TMEM260: variants seen among roughly 807,000 people sequenced by gnomAD.
TMEM260 encodes the protein protein O-mannosyl-transferase TMEM260.
Under a neutral mutation model 88.9 loss-of-function variants are expected in TMEM260, and 82 were observed. That is an observed-to-expected ratio of 0.92 (90% CI 0.77 to 1.11). The LOEUF is 1.11. TMEM260 is among the 50% of genes least tolerant of loss of function. The probability of loss-of-function intolerance (pLI) is 0.00; values close to 1 mark genes in which losing one functional copy is unlikely to be tolerated. For missense variants in TMEM260, 902 were observed against 853.4 expected (o/e 1.06, Z -0.71); for synonymous variants, 314 against 309.3 (o/e 1.02, Z -0.16).
chr14:56,650,007 T>C (rs1890171696), downstream of TMEM260: 2 of 423,474 alleles, frequency 4.7e-6, no homozygotes, highest in African/African-American at 4.1e-5. Context: ...GAGAATCCTT[T>C]CCTTTCTATT....
At chr14:56,580,992 T>C (rs1049321649) in intron 1 of TMEM260, among the ~76,000 whole-genome samples, 5 of 152,196 alleles carry the variant, frequency 3.3e-5, no homozygotes, top group Non-Finnish European at 7.3e-5. Flanking sequence ...CCGTTTAAGC[T>C]AGATGCTCGT....
chr14:56,585,677 A>T lies in TMEM260; in HGVS notation c.193-84A>T, dbSNP rs542045570. ...TGCCTAATCTTTATAGCTGCTTGAG[A>T]AAAGGGCTACTTTTCAATTAAGGCC... On this transcript the variant is annotated intron_variant, in intron 2 of 15. Transcript: ENST00000261556. 13 of 1,358,660 alleles carry T rather than the reference A, an allele frequency of 9.6e-6. No individual in the cohort carries two copies. In the South Asian group the frequency reaches 1.7e-4, roughly 17 times the overall value. 84.2% of individuals were successfully genotyped at this position (1,358,660 alleles called of 1,614,324 possible).
At chr14:56,615,406 T>C (rs923254799) in intron 7 of TMEM260, 2 of 152,278 alleles carry the variant, frequency 1.3e-5, no homozygotes, top group Admixed American at 6.5e-5. Context: ...CTGAGATTGC[T>C]TAAATGTTTT....
chr14:56,600,321 T>A (rs942241849), intron 3 of TMEM260, among the ~76,000 whole-genome samples: 1 of 152,116 alleles, frequency 6.6e-6, no homozygotes, highest in Non-Finnish European at 1.5e-5. Context: ...TTTTCAGAAT[T>A]TTTACACAGT....
chr14:56,657,700 C>T, the TMEM260 span, among the ~76,000 whole-genome samples: 1 of 152,252 alleles, frequency 6.6e-6, no homozygotes, highest in South Asian at 2.1e-4. Flanking sequence ...AAATGTTTAC[C>T]ACCACCCTCT....
chr14:56,622,235 C>T (rs1332633350), intron 11 of TMEM260, among the ~76,000 whole-genome samples: 2 of 141,574 alleles, frequency 1.4e-5, no homozygotes, highest in Non-Finnish European at 3.0e-5. Flanking sequence ...CCCAGCTACT[C>T]GGGAGGCTGA....
At chr14:56,636,164 G>A (rs1419926894) in intron 14 of TMEM260, among the ~76,000 whole-genome samples, 3 of 152,116 alleles carry the variant, frequency 2.0e-5, no homozygotes, top group Admixed American at 6.5e-5. Context: ...CTTCGTGTTG[G>A]GTACCTTCAG....
intron 3 of TMEM260, among the ~76,000 whole-genome samples, chr14:56,602,898 A>G (rs1419099465): frequency 2.6e-5 from 4 of 152,150 alleles, no homozygotes; most frequent in African/African-American, 7.2e-5. Flanking sequence ...AATGGTTTGG[A>G]GCTATAGAAT....
At chr14:56,647,213 T>C in intron 15 of TMEM260, 30 bp from the exon 16 acceptor site, 2 of 1,560,080 alleles carry the variant, frequency 1.3e-6, no homozygotes, top group Non-Finnish European at 1.7e-6. Context: ...AGAATAACAA[T>C]GGAATACCAA....
intron 13 of TMEM260, 83 bp from the exon 14 acceptor site, chr14:56,634,816 T>C (rs1470474222): frequency 1.6e-6 from 2 of 1,252,256 alleles, no homozygotes; most frequent in Non-Finnish European, 2.3e-6. Flanking sequence ...CATTCCAGCC[T>C]GGGCAGCAAG....
the TMEM260 span, among the ~76,000 whole-genome samples, chr14:56,661,921 C>T: frequency 2.0e-5 from 3 of 152,156 alleles, no homozygotes; most frequent in Non-Finnish European, 4.4e-5. Context: ...TGGAGAGAGG[C>T]TATTCATCAT....
chr14:56,650,344 C>G (rs1175178365), downstream of TMEM260: 1 of 251,874 alleles, frequency 4.0e-6, no homozygotes, highest in African/African-American at 2.3e-5. Context: ...TGGCACGCAC[C>G]AGAGGGCAAG....
intron 12 of TMEM260, among the ~76,000 whole-genome samples, chr14:56,630,385 T>C (rs769451737): frequency 6.6e-6 from 1 of 152,180 alleles, no homozygotes; most frequent in African/African-American, 2.4e-5. Flanking sequence ...TCTGATGAAA[T>C]GAATTTAGAC....
At chr14:56,641,270 A>G (rs1168857403) in intron 15 of TMEM260, among the ~76,000 whole-genome samples, 7 of 152,236 alleles carry the variant, frequency 4.6e-5, no homozygotes, top group East Asian at 3.9e-4. Context: ...AGAGAGAAAG[A>G]TGGGGTTACC....
rs1886073282 is a variant in TMEM260 at position 56,594,256 on chromosome 14, G to C, written c.344+8344G>C. On this transcript the variant is annotated intron_variant, in intron 3 of 15. Coordinates refer to ENST00000261556, the MANE Select transcript of TMEM260 (RefSeq NM_017799.4). ...TGTTCTCAAGTTAAAATAGAAAATA[G>C]TTTAAACTATTAGCGATATATCTGT... Among the ~76,000 whole-genome samples, 4 of 152,206 alleles carry C rather than the reference G, an allele frequency of 2.6e-5. No individual in the cohort carries two copies. In the South Asian group the frequency reaches 8.3e-4, roughly 32 times the overall value.
At chr14:56,655,747 C>T in the TMEM260 span, among the ~76,000 whole-genome samples, 1 of 152,066 alleles carries the variant, frequency 6.6e-6, no homozygotes, top group Non-Finnish European at 1.5e-5. Context: ...TGAAACGTGA[C>T]CTGCTTATAA....
Position 56,625,365 on chromosome 14 carries a change from T to C in TMEM260, c.1399-17T>C. 6.2e-7 allele frequency: 1 copy of C among 1,609,320 alleles called. No individual in the cohort carries two copies. The highest frequency in any genetic ancestry group is 8.5e-7 in the Non-Finnish European group (1 of 1,178,792). On this transcript the variant is annotated splice_polypyrimidine_tract_variant and intron_variant, in intron 11 of 15. Transcript: ENST00000261556. The stretch of plus-strand genomic sequence containing the variant: ...AATATATTAAAAGTCTGACATTATG[T>C]GTGACTTTTCTGGCAGATGATGACT...
chr14:56,655,985 TAA>T, the TMEM260 span, among the ~76,000 whole-genome samples: 1 of 152,212 alleles, frequency 6.6e-6, no homozygotes, highest in South Asian at 2.1e-4. Context: ...ATTTTGCCCC[TAA>T]AAGAGCAAAG....
chr14:56,619,204 T>C (rs151049619), intron 10 of TMEM260, among the ~76,000 whole-genome samples: 1 of 152,340 alleles, frequency 6.6e-6, no homozygotes, highest in Non-Finnish European at 1.5e-5. Context: ...CAAGGTCTTA[T>C]TCTGTCCCCT....
Sources: gnomAD v4.1 joint callset for allele counts (sites outside exome capture counted in the v4.1 genomes callset) on GRCh38, gnomAD v4.1.1 for gene constraint, MANE v1.5 for transcripts, NCBI Gene and HGNC (gene_info 2026-07-23, HGNC 2026-07-21) for gene names.